The following LINGO2 variants were observed in gnomAD, a reference collection of about 807,000 sequenced individuals.
The protein encoded by LINGO2 is leucine rich repeat and Ig domain containing 2.
LINGO2 carries 14 observed loss-of-function variants against 30.6 expected under a neutral mutation model. That is an observed-to-expected ratio of 0.46 (90% CI 0.30 to 0.72). The LOEUF (loss-of-function observed/expected upper bound fraction) is 0.72, where lower values mean the gene tolerates loss of function less well. Among genes scored for constraint, LINGO2 ranks in the 30% least tolerant of loss-of-function variants. The pLI is 0.07. For missense variants in LINGO2, 729 were observed against 751.7 expected, an observed-to-expected ratio of 0.97 and a Z score of 0.35; for synonymous variants, 317 against 288.5, an observed-to-expected ratio of 1.10 and a Z score of -1.00.
the LINGO2 span, among the ~76,000 whole-genome samples, chr9:28,931,846 AT>A: frequency 6.6e-6 from 1 of 151,450 alleles, no homozygotes; most frequent in Non-Finnish European, 1.5e-5. Flanking sequence ...GCGGTGGCTC[AT>A]GCCTGTAATC....
intron 1 of LINGO2, among the ~76,000 whole-genome samples, chr9:28,576,314 T>C (rs559066351): frequency 5.4e-4 from 82 of 152,162 alleles, no homozygotes; most frequent in Admixed American, 1.1e-3. Context: ...ATTCAAAAAT[T>C]TGAAGTATAG....
At chr9:28,236,697 T>A (rs112855873) in intron 4 of LINGO2, among the ~76,000 whole-genome samples, 2 of 151,994 alleles carry the variant, frequency 1.3e-5, no homozygotes, top group African/African-American at 4.8e-5. Context: ...ATTGAAACCA[T>A]GGACATAATA....
At chr9:28,894,969 T>A in the LINGO2 span, among the ~76,000 whole-genome samples, 27 of 152,224 alleles carry the variant, frequency 1.8e-4, no homozygotes, top group Middle Eastern at 0.01. Context: ...AACTGAAATT[T>A]TGTATCCTTT....
At chr9:28,983,633 A>G in the LINGO2 span, among the ~76,000 whole-genome samples, 1 of 151,958 alleles carries the variant, frequency 6.6e-6, no homozygotes, top group African/African-American at 2.4e-5. Context: ...ACAAAATTCT[A>G]TTAAATAAGT....
chr9:28,908,370 G>A, the LINGO2 span, among the ~76,000 whole-genome samples: 847 of 151,872 alleles, frequency 5.6e-3, 12 homozygotes, highest in African/African-American at 0.019. Flanking sequence ...GCTGTGAAAT[G>A]AACATCAAAT....
chr9:28,080,080 C>G (rs567525286), intron 4 of LINGO2, among the ~76,000 whole-genome samples: 1 of 152,338 alleles, frequency 6.6e-6, no homozygotes, highest in South Asian at 2.1e-4. Flanking sequence ...ATGCCATAGT[C>G]TAAGCTACCA....
intron 5 of LINGO2, among the ~76,000 whole-genome samples, chr9:27,953,840 A>G (rs1234126506): frequency 6.6e-6 from 1 of 152,178 alleles, no homozygotes; most frequent in Non-Finnish European, 1.5e-5. Context: ...ATGAAATGAT[A>G]TATGCTGTAC....
At chr9:28,640,376 A>T (rs1229603721) in intron 1 of LINGO2, among the ~76,000 whole-genome samples, 1 of 152,024 alleles carries the variant, frequency 6.6e-6, no homozygotes, top group Non-Finnish European at 1.5e-5. Context: ...CTGCCTTGCT[A>T]GATTGGGGAA....
the LINGO2 span, among the ~76,000 whole-genome samples, chr9:29,006,766 A>C: frequency 2.0e-5 from 3 of 152,058 alleles, no homozygotes; most frequent in Non-Finnish European, 4.4e-5. Flanking sequence ...TACATGATCA[A>C]ATGAGTCAGA....
intron 4 of LINGO2, among the ~76,000 whole-genome samples, chr9:28,186,610 G>C (rs1377035910): frequency 2.0e-5 from 3 of 152,118 alleles, no homozygotes; most frequent in African/African-American, 4.8e-5. Flanking sequence ...TGTGGAGTTG[G>C]AATTTTATAA....
chr9:29,189,102 G>C, the LINGO2 span, among the ~76,000 whole-genome samples: 1 of 68,808 alleles, frequency 1.5e-5, no homozygotes, highest in African/African-American at 4.0e-5. Context: ...CTGGCCGACC[G>C]CCCCGCCTCC....
chr9:28,857,096 G>A, the LINGO2 span, among the ~76,000 whole-genome samples: 922 of 152,082 alleles, frequency 6.1e-3, 11 homozygotes, highest in African/African-American at 0.021. Context: ...TTTGAGATAC[G>A]TTTGAGCAGT....
chr9:28,587,962 A>G (rs10738801), intron 1 of LINGO2, among the ~76,000 whole-genome samples: 102,696 of 151,822 alleles, frequency 0.68, 35,516 homozygotes, highest in East Asian at 0.87. Context: ...TTGCTGTAGT[A>G]GGCACTGGGC....
intron 1 of LINGO2, among the ~76,000 whole-genome samples, chr9:28,595,505 T>C (rs1160370796): frequency 6.6e-6 from 1 of 152,092 alleles, no homozygotes; most frequent in Non-Finnish European, 1.5e-5. Flanking sequence ...TACAATTAAT[T>C]TCTCAGGGTT....
At chr9:29,161,643 T>C in the LINGO2 span, among the ~76,000 whole-genome samples, 1 of 152,094 alleles carries the variant, frequency 6.6e-6, no homozygotes, top group Non-Finnish European at 1.5e-5. Context: ...AGCCTGATAA[T>C]TTGCATTTCT....
At chr9:28,065,514 C>T (rs1825287466) in intron 4 of LINGO2, among the ~76,000 whole-genome samples, 1 of 151,952 alleles carries the variant, frequency 6.6e-6, no homozygotes, top group Non-Finnish European at 1.5e-5. Context: ...ATGTTTAGTA[C>T]CTTTTTATTA....
intron 4 of LINGO2, among the ~76,000 whole-genome samples, chr9:28,184,083 A>C (rs891364520): frequency 1.3e-4 from 20 of 152,188 alleles, no homozygotes; most frequent in Non-Finnish European, 2.8e-4. Context: ...TGCTGGATTA[A>C]AGAAAAAGAT....
At chr9:28,953,856 T>A in the LINGO2 span, among the ~76,000 whole-genome samples, 1 of 152,278 alleles carries the variant, frequency 6.6e-6, no homozygotes, top group Non-Finnish European at 1.5e-5. Flanking sequence ...TATATTAAAA[T>A]CCACTGGCTA....
chr9:28,622,438 C>T (rs1826445413), intron 1 of LINGO2, among the ~76,000 whole-genome samples: 2 of 151,738 alleles, frequency 1.3e-5, no homozygotes, highest in Admixed American at 1.3e-4. Flanking sequence ...TAAGTGAGAA[C>T]TTACAATGTT....
Sources: allele counts gnomAD v4.1 joint callset (sites outside exome capture counted in the v4.1 genomes callset), GRCh38; gene constraint gnomAD v4.1.1; transcripts MANE v1.5; gene names NCBI Gene and HGNC (gene_info 2026-07-23, HGNC 2026-07-21).